SHANK1: variants seen among roughly 807,000 people sequenced by gnomAD.
SHANK1 encodes SH3 and multiple ankyrin repeat domains protein 1.
A neutral mutation model predicts 165.6 loss-of-function variants in SHANK1; 35 were observed. The ratio of observed to expected loss-of-function variants is 0.21; its 90% CI spans 0.16 to 0.28. The LOEUF (loss-of-function observed/expected upper bound fraction) is 0.28. SHANK1 is among the 10% of genes least tolerant of loss of function. SHANK1 has a pLI of 1.00. For synonymous variants in SHANK1, 1,428 were observed against 1,384.8 expected, an observed-to-expected ratio of 1.03 and a Z score of -0.69; for missense variants, 2,681 against 3,036.4, an observed-to-expected ratio of 0.88 and a Z score of 2.75.
chr19:50,667,211 G>A lies in SHANK1; in HGVS notation c.4749C>T (p.Pro1583=), dbSNP rs773277154. The change falls in exon 23 of 24, where the codon CCC becomes CCT. Residue 1583 remains proline, a synonymous_variant. Coordinates refer to ENST00000293441, the MANE Select transcript of SHANK1 (RefSeq NM_016148.5). The surrounding 1 kb of genome is among the most constrained non-coding windows in gnomAD (Gnocchi z 5.7). ...FSNSFEKPES[P]LTPGPPHPLP... Reference sequence around the variant, plus strand: ...GCGGGTGGGGAGGCCCAGGCGTGAGGGGCGACTCTGGCTTTTCGAAGCTGT... The same window carrying A: ...GCGGGTGGGGAGGCCCAGGCGTGAGAGGCGACTCTGGCTTTTCGAAGCTGT... 5 of 1,579,930 alleles carry A rather than the reference G, an allele frequency of 3.2e-6. No individual in the cohort carries two copies. In the South Asian group the frequency reaches 5.7e-5, roughly 18 times the overall value.
At chr19:50,707,926 CTT>C (rs1318988333) in intron 8 of SHANK1, among the ~76,000 whole-genome samples, 1 of 87,988 alleles carries the variant, frequency 1.1e-5, no homozygotes, top group Non-Finnish European at 2.3e-5. Context: ...CTTTTCTTTT[CTT>C]TTCTTTTCTT....
chr19:50,665,760 A>G (rs1985469037), intron 23 of SHANK1, among the ~76,000 whole-genome samples: 1 of 134,232 alleles, frequency 7.4e-6, no homozygotes, highest in African/African-American at 2.8e-5. Context: ...AAAGCCAGGC[A>G]TGTTGGCTCA....
Position 50,697,174 on chromosome 19 carries a change from C to G in SHANK1, c.1938-52G>C, listed in dbSNP as rs756369077. 5 of 1,613,918 alleles carry G rather than the reference C, an allele frequency of 3.1e-6. 1 individual carries two copies. In the South Asian group the frequency reaches 5.5e-5, roughly 18 times the overall value. On this transcript the variant is annotated intron_variant, in intron 14 of 23. Coordinates refer to ENST00000293441, the MANE Select transcript of SHANK1 (RefSeq NM_016148.5). This position sits in a 1 kb window ranked among gnomAD's most constrained non-coding sequence, Gnocchi z 4.7. ...AGGGAGGGGAAAGGTGTCAGTGCAC[C>G]CATCTCCTCACCCCAATCCCACCCA...
At chr19:50,675,397 C>A (rs1407669143) in intron 21 of SHANK1, among the ~76,000 whole-genome samples, 1 of 152,198 alleles carries the variant, frequency 6.6e-6, no homozygotes, top group Non-Finnish European at 1.5e-5. Context: ...AACATTTCAT[C>A]ATCACAGAGA....
intron 22 of SHANK1, among the ~76,000 whole-genome samples, chr19:50,669,973 C>T (rs534592070): frequency 1.3e-5 from 2 of 152,258 alleles, no homozygotes; most frequent in East Asian, 3.9e-4. Context: ...CTCTTCTCAC[C>T]TCTGACTACT....
At position 50,667,846 on chromosome 19, in the gene SHANK1, C is replaced by T. The variant is rs771564627; in HGVS notation, c.4114G>A (p.Gly1372Arg). The stretch of plus-strand genomic sequence containing the variant: ...GGCCTGGGAGGCGGCTGGGGGGCCC[C>T]GCCGCCCTCCGAGGACTCCTTCAGC... ...RALKESSEGG[G>R]APQPPPRPPS... Residue 1372 changes from glycine to arginine, a missense_variant, in exon 23 of 24, where the codon GGG (glycine) becomes AGG (arginine). Physicochemically the swap from Gly to Arg is moderately radical, Grantham distance 125. This residue lies in a region of SHANK1 where 1,713 missense variants were observed against 1,630.2 expected (regional missense o/e 1.05). Transcript: ENST00000293441. This position sits in a 1 kb window ranked among gnomAD's most constrained non-coding sequence, Gnocchi z 5.7. The T allele has an allele frequency of 3.9e-6, 5 of 1,295,242 alleles. No homozygotes were observed. The African/African-American group carries it at 7.8e-5, about 20-fold the overall frequency. 80.2% of individuals were successfully genotyped at this position (1,295,242 alleles called of 1,614,324 possible).
At chr19:50,700,752 T>G (rs1986891048) in intron 12 of SHANK1, among the ~76,000 whole-genome samples, 1 of 152,030 alleles carries the variant, frequency 6.6e-6, no homozygotes, top group South Asian at 2.1e-4. Flanking sequence ...CTGCCCATGG[T>G]CCTCTGCCTG....
intron 21 of SHANK1, among the ~76,000 whole-genome samples, chr19:50,675,987 C>T (rs1985966618): frequency 6.6e-6 from 1 of 151,910 alleles, no homozygotes; most frequent in Non-Finnish European, 1.5e-5. Flanking sequence ...CAGAGCAAGA[C>T]TTCATCTAAA....
chr19:50,689,825 TCAAGAGG>T (rs1986486471), intron 15 of SHANK1, among the ~76,000 whole-genome samples: 1 of 152,258 alleles, frequency 6.6e-6, no homozygotes, highest in East Asian at 1.9e-4. Flanking sequence ...GAGTGTTAAG[TCAAGAGG>T]ACTCATGTAC....
chr19:50,708,907 A>G (rs2088975694), intron 8 of SHANK1, among the ~76,000 whole-genome samples: 1 of 152,194 alleles, frequency 6.6e-6, no homozygotes, highest in Admixed American at 6.5e-5. Flanking sequence ...CTAGACACGG[A>G]TCTGACATTC....
chr19:50,667,766 G>A lies in SHANK1; in HGVS notation c.4194C>T (p.His1398=). Reference sequence around the variant, plus strand: ...GACGCAGCACTGGCTCGTGGTGGGCGTGGGGCGAGTGGTGGTGCGGGGTGG... The same window carrying A: ...GACGCAGCACTGGCTCGTGGTGGGCATGGGGCGAGTGGTGGTGCGGGGTGG... ...PPPTPHHHSP[H]AHHEPVLRLW... Residue 1398 remains histidine, a synonymous_variant, in exon 23 of 24, where the codon CAC becomes CAT. Coordinates refer to ENST00000293441, the MANE Select transcript of SHANK1 (RefSeq NM_016148.5). This position sits in a 1 kb window ranked among gnomAD's most constrained non-coding sequence, Gnocchi z 5.7. 1 of 1,305,310 alleles carries A rather than the reference G, an allele frequency of 7.7e-7. No individual in the cohort carries two copies. Among genetic ancestry groups the A allele is most frequent in the Non-Finnish European group, 9.7e-7 (1 of 1,032,480 alleles). The allele number at this position is 1,305,310 out of a possible 1,614,324, so 80.9% of individuals were successfully genotyped here.
chr19:50,669,106 C>G lies in SHANK1; in HGVS notation c.2854G>C (p.Gly952Arg). ...SGRLTPSPRG[G>R]PFNPGSGGPL... ...CCACCAGAGCCAGGGTTGAAGGGCC[C>G]TCCCCGAGGGGAGGGGGTGAGGCGC... Residue 952 changes from glycine to arginine, a missense_variant, in exon 23 of 24, where the codon GGG (glycine) becomes CGG (arginine). Physicochemically the swap from Gly to Arg is moderately radical, Grantham distance 125 (BLOSUM62 -2). Transcript: ENST00000293441. 3 of 1,479,716 alleles carry G rather than the reference C, an allele frequency of 2.0e-6. No individual in the cohort carries two copies. The highest frequency in any genetic ancestry group is 2.7e-6 in the Non-Finnish European group (3 of 1,110,876). The allele number at this position is 1,479,716 out of a possible 1,614,324, so 91.7% of individuals were successfully genotyped here.
Position 50,666,834 on chromosome 19 carries a change from C to T in SHANK1, c.5126G>A (p.Gly1709Glu). The T allele has an allele frequency of 6.4e-7, 1 of 1,552,264 alleles. No individual in the cohort carries two copies. Among genetic ancestry groups the T allele is most frequent in the Non-Finnish European group, 8.7e-7 (1 of 1,148,744 alleles). ...SLSAEGGGSA[G>E]GGGGAGAGVA... ...ACCGGCCCCAGCCCCGCCCCCACCC[C>T]CTGCGCTGCCACCACCTTCGGCAGA... is the stretch of plus-strand genomic sequence containing the variant. The change falls in exon 23 of 24, where the codon GGG (glycine) becomes GAG (glutamate). Residue 1709 changes from glycine (G) to glutamate (E), a missense_variant. Transcript: ENST00000293441.
Position 50,702,359 on chromosome 19 carries a change from T to G in SHANK1, c.1747+108A>C. The G allele has an allele frequency of 1.1e-6, 1 of 948,790 alleles. No homozygotes were observed. The highest frequency in any genetic ancestry group is 1.5e-6 in the Non-Finnish European group (1 of 646,894). 58.8% of individuals were successfully genotyped at this position (948,790 alleles called of 1,614,324 possible). On this transcript the variant is annotated intron_variant, in intron 12 of 23. Transcript: ENST00000293441. The surrounding 1 kb of genome is among the most constrained non-coding windows in gnomAD (Gnocchi z 5.3). ...CTGGGGCTCTCTGAGGTCTCCAGAG[T>G]GCATGAGATACTCCAGGTGCCCGAG...
chr19:50,669,122 G>T lies in SHANK1; in HGVS notation c.2838C>A (p.Thr946=). 2 of 1,522,072 alleles carry T rather than the reference G, an allele frequency of 1.3e-6. No individual in the cohort carries two copies. The highest frequency in any genetic ancestry group is 2.5e-5 in the East Asian group (1 of 40,040). 94.3% of individuals were successfully genotyped at this position (1,522,072 alleles called of 1,614,324 possible). A position where few individuals can be genotyped will look rare whatever the true frequency, so the allele number is the denominator to read the frequency against. Residue 946 remains threonine, a synonymous_variant, in exon 23 of 24, where the codon ACC becomes ACA. Coordinates refer to ENST00000293441, the MANE Select transcript of SHANK1 (RefSeq NM_016148.5). ...PPVPSSSGRL[T]PSPRGGPFNP... ...TGAAGGGCCCTCCCCGAGGGGAGGGGGTGAGGCGCCCTGAGGAGGAGGGGA... is the reference window on the plus strand; with the variant it reads ...TGAAGGGCCCTCCCCGAGGGGAGGGTGTGAGGCGCCCTGAGGAGGAGGGGA...
intron 21 of SHANK1, among the ~76,000 whole-genome samples, chr19:50,679,679 G>T (rs1335561245): frequency 6.6e-6 from 1 of 152,214 alleles, no homozygotes. Flanking sequence ...CTGACCAGTG[G>T]CTGGGGAACT....
chr19:50,675,061 CAAAAA>C (rs10560370), intron 21 of SHANK1, among the ~76,000 whole-genome samples: 2 of 85,702 alleles, frequency 2.3e-5, no homozygotes, highest in Admixed American at 1.3e-4. Context: ...CACTCGGTCT[CAAAAA>C]AAAAAAAAAA....
intron 23 of SHANK1, among the ~76,000 whole-genome samples, chr19:50,665,724 G>A (rs1242872221): frequency 2.4e-5 from 2 of 84,760 alleles, no homozygotes; most frequent in African/African-American, 1.1e-4. Context: ...GTGACAGAGT[G>A]AGACCCTGTT....
At position 50,718,693 on chromosome 19, in the gene SHANK1, G is replaced by A. The variant is rs2089097051; in HGVS notation, c.-44+713C>T. On this transcript the variant is annotated intron_variant, in intron 1 of 23. Transcript: ENST00000293441. This position sits in a 1 kb window ranked among gnomAD's most constrained non-coding sequence, Gnocchi z 5.1. ...TGTGGGGGGACAGGGGGCGGCTGGC[G>A]TGGCCGAGAGCGGGGCCGGGGAGAA... 6.6e-6 allele frequency among the ~76,000 whole-genome samples: 1 copy of A among 151,788 alleles called. No individual in the cohort carries two copies. Among genetic ancestry groups the A allele is most frequent in the African/African-American group, 2.4e-5 (1 of 41,326 alleles).
Sources: allele counts gnomAD v4.1 joint callset (sites outside exome capture counted in the v4.1 genomes callset), GRCh38; gene constraint gnomAD v4.1.1; regional missense constraint gnomAD v4.1.1; non-coding constraint Gnocchi (gnomAD v3.1); transcripts MANE v1.5; gene names NCBI Gene and HGNC (gene_info 2026-07-23, HGNC 2026-07-21).